The following NINL variants were observed in gnomAD, a reference collection of about 807,000 sequenced individuals.
The protein encoded by NINL is ninein like, also known as ninein-like protein.
Under a neutral mutation model 160.3 loss-of-function variants are expected in NINL, and 153 were observed. That is an observed-to-expected ratio of 0.95 (90% CI 0.84 to 1.09). The LOEUF is 1.09. Among genes scored for constraint, NINL ranks in the 50% least tolerant of loss-of-function variants. NINL has a pLI of 0.00. For synonymous variants in NINL, 800 were observed against 734.8 expected, an observed-to-expected ratio of 1.09 and a Z score of -1.43; for missense variants, 1,829 against 1,764.0, an observed-to-expected ratio of 1.04 and a Z score of -0.66.
chr20:25,530,645 G>T (rs2064441324), intron 1 of NINL, among the ~76,000 whole-genome samples: 1 of 152,106 alleles, frequency 6.6e-6, no homozygotes. Flanking sequence ...TTTTAAAGCT[G>T]GGTGTCTGGG....
chr20:25,502,824 G>A (rs1264684906), intron 7 of NINL, among the ~76,000 whole-genome samples: 2 of 152,158 alleles, frequency 1.3e-5, no homozygotes, highest in African/African-American at 2.4e-5. Flanking sequence ...AGCTTCCTGA[G>A]GCCTCCCCAG....
intron 7 of NINL, among the ~76,000 whole-genome samples, chr20:25,503,262 C>T (rs1319969950): frequency 1.7e-5 from 2 of 120,438 alleles, no homozygotes; most frequent in East Asian, 5.2e-4. Flanking sequence ...GTAACCCCAG[C>T]AGGTGGGCAC....
At chr20:25,533,778 A>C (rs1338910443) in intron 1 of NINL, among the ~76,000 whole-genome samples, 1 of 152,216 alleles carries the variant, frequency 6.6e-6, no homozygotes, top group African/African-American at 2.4e-5. Context: ...ACAAAAATTA[A>C]CTTTTGTAAA....
At chr20:25,580,121 T>TC (rs1220029947) in intron 1 of NINL, among the ~76,000 whole-genome samples, 1 of 152,074 alleles carries the variant, frequency 6.6e-6, no homozygotes, top group Non-Finnish European at 1.5e-5. Flanking sequence ...TCACCTGAGG[T>TC]CAGGAGTTCG....
At chr20:25,486,178 T>A (rs961678240) in intron 13 of NINL, among the ~76,000 whole-genome samples, 1 of 152,242 alleles carries the variant, frequency 6.6e-6, no homozygotes, top group Non-Finnish European at 1.5e-5. Context: ...TTTGTAACTA[T>A]GAAAGTTTGA....
intron 1 of NINL, among the ~76,000 whole-genome samples, chr20:25,542,861 C>G (rs59366271): frequency 6.6e-6 from 1 of 150,550 alleles, no homozygotes; most frequent in Non-Finnish European, 1.5e-5. Context: ...TGAAACCCCC[C>G]CTCTCTACTA....
intron 1 of NINL, among the ~76,000 whole-genome samples, chr20:25,585,046 G>C (rs2065212968): frequency 6.6e-6 from 1 of 152,226 alleles, no homozygotes; most frequent in Non-Finnish European, 1.5e-5. Flanking sequence ...GCGGCGTCAG[G>C]AGAAACGGCC....
Position 25,476,832 on chromosome 20 carries a change from G to A in NINL, c.2459C>T (p.Pro820Leu). The A allele has an allele frequency of 6.2e-7, 1 of 1,613,318 alleles. No individual in the cohort carries two copies. Among genetic ancestry groups the A allele is most frequent in the South Asian group, 1.1e-5 (1 of 91,080 alleles). Residue 820 changes from proline (P) to leucine (L), a missense_variant, in exon 17 of 24, where the codon CCC becomes CTC. Physicochemically the swap from Pro to Leu is moderately conservative, Grantham distance 98. Coordinates refer to ENST00000278886, the MANE Select transcript of NINL (RefSeq NM_025176.6). ...GGCCTGCATCTCTGCTTCCAGGGAG[G>A]GCCCGTCCACTCGCTTCCCGCGGGC... ...ELARGKRVDG[P>L]SLEAEMQALP...
At position 25,476,735 on chromosome 20, in the gene NINL, G is replaced by T. The variant is rs1221976867; in HGVS notation, c.2556C>A (p.Gly852=). The stretch of plus-strand genomic sequence containing the variant: ...GCCAGGCCAGTGGCCGCTCCCCACA[G>T]CCCGGACGCAGTGGTAGGAGGCCAC... ...GTRGLLPLRP[G]CGERPLAWLA... The change falls in exon 17 of 24, where the codon GGC becomes GGA. Residue 852 remains glycine, a synonymous_variant. Coordinates refer to ENST00000278886, the MANE Select transcript of NINL (RefSeq NM_025176.6). 1.2e-6 allele frequency: 2 copies of T among 1,606,170 alleles called. 1 individual carries two copies. The highest frequency in any genetic ancestry group is 2.2e-5 in the South Asian group (2 of 90,820).
rs375539708 is a variant in NINL, at chr20:25,491,485, G to T, written c.1351C>A (p.Arg451=). 121 of 1,613,860 alleles carry T rather than the reference G, an allele frequency of 7.5e-5. No homozygotes were observed. The highest frequency in any genetic ancestry group is 9.9e-5 in the Non-Finnish European group (117 of 1,179,988). ...QGYRERLSLL[R]SEVEAERELF... The stretch of plus-strand genomic sequence containing the variant: ...TCTCGCTCCGCCTCCACCTCAGACC[G>T]CAGGAGGCTCAGCCTTTCCCGGTAC... Residue 451 remains arginine (R), a synonymous_variant, in exon 11 of 24, where the codon CGG becomes AGG. Transcript: ENST00000278886.
At chr20:25,507,114 C>A (rs1322759125) in intron 5 of NINL, among the ~76,000 whole-genome samples, 1 of 152,178 alleles carries the variant, frequency 6.6e-6, no homozygotes, top group Non-Finnish European at 1.5e-5. Context: ...AGAAATCAGA[C>A]CCACTGTTTT....
intron 1 of NINL, among the ~76,000 whole-genome samples, chr20:25,573,044 C>T (rs1291640988): frequency 6.6e-6 from 1 of 152,184 alleles, no homozygotes; most frequent in Non-Finnish European, 1.5e-5. Flanking sequence ...CACCTGTAAT[C>T]TCAGCACTTT....
At position 25,479,322 on chromosome 20, in the gene NINL, C is replaced by A. The variant is rs568887159; in HGVS notation, c.1918-116G>T. The A allele has an allele frequency of 1.5e-5, 20 of 1,355,322 alleles. No homozygotes were observed. The East Asian group carries it at 2.3e-4, about 16-fold the overall frequency. 84.0% of individuals were successfully genotyped at this position (1,355,322 alleles called of 1,614,324 possible). On this transcript the variant is annotated intron_variant, in intron 15 of 23. Transcript: ENST00000278886. ...CAACGTGCAAAGACCGGCATCCTGG[C>A]CTGCCGAGGTGCCAGGGTGTGCAGA...
intron 4 of NINL, among the ~76,000 whole-genome samples, chr20:25,512,186 C>T (rs777945084): frequency 4.1e-4 from 63 of 152,198 alleles, no homozygotes; most frequent in Admixed American, 3.3e-3. Context: ...GGCCCCAGGA[C>T]GCATTGGCTC....
Position 25,498,316 on chromosome 20 carries a change from T to C in NINL, c.1063A>G (p.Asn355Asp), listed in dbSNP as rs750665594. The C allele has an allele frequency of 1.2e-6, 2 of 1,613,126 alleles. No homozygotes were observed. Among genetic ancestry groups the C allele is most frequent in the Admixed American group, 3.3e-5 (2 of 60,030 alleles). ...SLDFSVDEKV[N>D]LLELTWALDN... The stretch of plus-strand genomic sequence containing the variant: ...AGGGCCCAGGTCAGCTCCAGAAGGT[T>C]CACCTTCTCGTCCACGCTGAAGTCC... The change falls in exon 9 of 24, where the codon AAC becomes GAC. Residue 355 changes from asparagine (N) to aspartate (D), a missense_variant. Transcript: ENST00000278886.
chr20:25,490,529 T>C (rs896726128), intron 11 of NINL, among the ~76,000 whole-genome samples: 10 of 135,370 alleles, frequency 7.4e-5, no homozygotes, highest in African/African-American at 2.9e-4. Flanking sequence ...CACTGCACTC[T>C]AGCCTGGGCG....
chr20:25,529,043 C>T (rs1305013622), intron 1 of NINL, among the ~76,000 whole-genome samples: 1 of 152,080 alleles, frequency 6.6e-6, no homozygotes, highest in African/African-American at 2.4e-5. Context: ...AAAATCTGTT[C>T]AGATCAACTC....
intron 1 of NINL, among the ~76,000 whole-genome samples, chr20:25,567,242 TA>T (rs2065007503): frequency 6.6e-6 from 1 of 152,050 alleles, no homozygotes; most frequent in Non-Finnish European, 1.5e-5. Context: ...GAACAAAGAA[TA>T]GGGGTGGTAG....
chr20:25,560,146 G>T (rs2064917643), intron 1 of NINL, among the ~76,000 whole-genome samples: 1 of 152,114 alleles, frequency 6.6e-6, no homozygotes, highest in Non-Finnish European at 1.5e-5. Flanking sequence ...GTCTTGCCTT[G>T]TTGCCCAGGC....
Sources: allele counts gnomAD v4.1 joint callset (sites outside exome capture counted in the v4.1 genomes callset), GRCh38; gene constraint gnomAD v4.1.1; transcripts MANE v1.5; gene names NCBI Gene and HGNC (gene_info 2026-07-23, HGNC 2026-07-21).